Variants in MCTP1 observed in about 807,000 individuals in gnomAD.
The protein encoded by MCTP1 is multiple C2 and transmembrane domain containing 1, also known as multiple C2 and transmembrane domain-containing protein 1.
Under a neutral mutation model 120.6 loss-of-function variants are expected in MCTP1, and 69 were observed. The observed-to-expected ratio is 0.57, with a 90% CI of 0.47 to 0.70. The LOEUF is 0.70. MCTP1 is among the 30% of genes least tolerant of loss of function. The probability of loss-of-function intolerance (pLI) is 0.00; values close to 1 mark genes in which losing one functional copy is unlikely to be tolerated. For synonymous variants in MCTP1, 529 were observed against 493.1 expected (o/e 1.07, Z -0.96); for missense variants, 1,203 against 1,248.8 (o/e 0.96, Z 0.55).
At chr5:95,147,642 C>T (rs1760517826) in intron 1 of MCTP1, among the ~76,000 whole-genome samples, 1 of 152,196 alleles carries the variant, frequency 6.6e-6, no homozygotes, top group African/African-American at 2.4e-5. Context: ...TGGGTCTTAT[C>T]TCTTTATCCA....
At chr5:95,270,292 T>C (rs887102483) in intron 1 of MCTP1, among the ~76,000 whole-genome samples, 1 of 152,230 alleles carries the variant, frequency 6.6e-6, no homozygotes, top group African/African-American at 2.4e-5. Context: ...GGGTCCATCA[T>C]ACAGATGTAT....
chr5:94,732,558 T>C (rs1201235528), intron 19 of MCTP1, among the ~76,000 whole-genome samples: 2 of 152,204 alleles, frequency 1.3e-5, no homozygotes, highest in East Asian at 3.8e-4. Flanking sequence ...TGAATGTTTT[T>C]GGTCCTGCCC....
intron 19 of MCTP1, among the ~76,000 whole-genome samples, chr5:94,770,960 T>C (rs1773920783): frequency 1.3e-5 from 2 of 152,158 alleles, no homozygotes; most frequent in South Asian, 4.1e-4. Flanking sequence ...CCAGCACTTA[T>C]TGACATGAAA....
At chr5:94,758,178 G>A (rs766146471) in intron 19 of MCTP1, among the ~76,000 whole-genome samples, 12 of 152,178 alleles carry the variant, frequency 7.9e-5, no homozygotes, top group Non-Finnish European at 1.5e-4. Context: ...CTAGACATTT[G>A]TCATAGGTAC....
rs187171070 is a variant in MCTP1 at position 94,879,290 on chromosome 5, C to T, written c.1934-6049G>A. 2.0e-3 allele frequency among the ~76,000 whole-genome samples: 304 copies of T among 152,074 alleles called. 4 individuals carry two copies. Among genetic ancestry groups the T allele is most frequent in the South Asian group, 0.011 (52 of 4,810 alleles). On this transcript the variant is annotated intron_variant, in intron 12 of 22. Coordinates refer to ENST00000515393, the MANE Select transcript of MCTP1 (RefSeq NM_024717.7). Reference sequence around the variant, plus strand: ...AGACAATCATGAAACAGATTTTAAACGTAAATCAATAGCTATATTTAAATG... The same window carrying T: ...AGACAATCATGAAACAGATTTTAAATGTAAATCAATAGCTATATTTAAATG...
intron 12 of MCTP1, among the ~76,000 whole-genome samples, chr5:94,874,808 G>A (rs980865648): frequency 5.9e-5 from 9 of 151,972 alleles, no homozygotes; most frequent in African/African-American, 1.5e-4. Context: ...TTTCTCCCAC[G>A]GAATTCAGAT....
chr5:94,907,080 T>C (rs997830915), intron 10 of MCTP1, among the ~76,000 whole-genome samples: 2 of 152,226 alleles, frequency 1.3e-5, no homozygotes, highest in Admixed American at 1.3e-4. Context: ...ACTGTTTCCA[T>C]GCAAGCTTCA....
At chr5:95,111,822 A>T (rs1757476188) in intron 1 of MCTP1, among the ~76,000 whole-genome samples, 1 of 152,134 alleles carries the variant, frequency 6.6e-6, no homozygotes, top group African/African-American at 2.4e-5. Flanking sequence ...TATTTTCTTC[A>T]TGAAGCTTTC....
At chr5:94,753,347 A>G (rs1580482745) in intron 19 of MCTP1, among the ~76,000 whole-genome samples, 1 of 152,162 alleles carries the variant, frequency 6.6e-6, no homozygotes, top group Non-Finnish European at 1.5e-5. Context: ...AACCCCCTAA[A>G]AATTATTGCC....
At chr5:95,250,525 C>T (rs934042450) in intron 1 of MCTP1, among the ~76,000 whole-genome samples, 3 of 152,090 alleles carry the variant, frequency 2.0e-5, no homozygotes, top group Non-Finnish European at 4.4e-5. Flanking sequence ...TAGTATAATG[C>T]AAAGAAAATA....
chr5:95,223,356 T>A (rs1671497829), intron 1 of MCTP1, among the ~76,000 whole-genome samples: 2 of 151,862 alleles, frequency 1.3e-5, no homozygotes, highest in South Asian at 4.2e-4. Context: ...GGAGGCTGAG[T>A]AGGGAGAATC....
intron 11 of MCTP1, among the ~76,000 whole-genome samples, chr5:94,894,403 G>A (rs1803403777): frequency 6.6e-6 from 1 of 152,226 alleles, no homozygotes; most frequent in Non-Finnish European, 1.5e-5. Flanking sequence ...AAATCACTGA[G>A]TAGAATCTCA....
chr5:94,938,015 C>T (rs1380825302), intron 5 of MCTP1, among the ~76,000 whole-genome samples: 1 of 151,982 alleles, frequency 6.6e-6, no homozygotes, highest in African/African-American at 2.4e-5. Flanking sequence ...ATTTTTACCT[C>T]CTATAGGTAA....
rs536169523 is a variant in MCTP1, at chr5:95,031,639, T to A, written c.721-14155A>T. 3.9e-5 allele frequency among the ~76,000 whole-genome samples: 6 copies of A among 151,950 alleles called. No homozygotes were observed. In the East Asian group the frequency reaches 1.2e-3, roughly 29 times the overall value. Reference sequence around the variant, plus strand: ...GGTCCTACAAGAAATGGTCAAGGAGTTCTAACCATGGAAAGAAAGAATGTT... The same window carrying A: ...GGTCCTACAAGAAATGGTCAAGGAGATCTAACCATGGAAAGAAAGAATGTT... On this transcript the variant is annotated intron_variant, in intron 1 of 22. Coordinates refer to ENST00000515393, the MANE Select transcript of MCTP1 (RefSeq NM_024717.7).
At position 94,826,644 on chromosome 5, in the gene MCTP1, G is replaced by C. The variant is rs1787134340; in HGVS notation, c.2437-27512C>G. ...GCAAAATTCCTTCACTTTTTCTTGAGGGTTTCTGGCACAGCAGGAACCTTC... is the reference window on the plus strand; with the variant it reads ...GCAAAATTCCTTCACTTTTTCTTGACGGTTTCTGGCACAGCAGGAACCTTC... On this transcript the variant is annotated intron_variant, in intron 17 of 22. Transcript: ENST00000515393. The C allele has an allele frequency of 6.6e-6, 5 of 755,264 alleles. No homozygotes were observed. In the South Asian group the frequency reaches 7.0e-5, roughly 11 times the overall value. The allele number at this position is 755,264 out of a possible 1,614,324, so 46.8% of individuals were successfully genotyped here. A position where few individuals can be genotyped will look rare whatever the true frequency, so the allele number is the denominator to read the frequency against.
chr5:95,244,709 C>T (rs150919322), intron 1 of MCTP1, among the ~76,000 whole-genome samples: 4 of 152,308 alleles, frequency 2.6e-5, no homozygotes, highest in East Asian at 3.9e-4. Context: ...TGGAGCACAC[C>T]GCAGCTCAGC....
At chr5:95,142,371 A>G (rs1276946943) in intron 1 of MCTP1, among the ~76,000 whole-genome samples, 1 of 152,246 alleles carries the variant, frequency 6.6e-6, no homozygotes. Flanking sequence ...TTTTTACAAT[A>G]GAACACGAGA....
chr5:95,000,496 C>G (rs1004521728), intron 2 of MCTP1, among the ~76,000 whole-genome samples: 2 of 152,114 alleles, frequency 1.3e-5, no homozygotes, highest in Non-Finnish European at 2.9e-5. Flanking sequence ...GTCAAAGACA[C>G]TGCTATTGAT....
chr5:94,716,260 G>A (rs1238832039), intron 19 of MCTP1, among the ~76,000 whole-genome samples: 1 of 152,154 alleles, frequency 6.6e-6, no homozygotes, highest in African/African-American at 2.4e-5. Context: ...TCAATTAGAC[G>A]AGACGCATAA....
Sources: gnomAD v4.1 joint callset for allele counts (sites outside exome capture counted in the v4.1 genomes callset) on GRCh38, gnomAD v4.1.1 for gene constraint, MANE v1.5 for transcripts, NCBI Gene and HGNC (gene_info 2026-07-23, HGNC 2026-07-21) for gene names.